Variants in GNA14 observed in about 807,000 individuals in gnomAD.
GNA14 encodes guanine nucleotide-binding protein subunit alpha-14.
A neutral mutation model predicts 42.0 loss-of-function variants in GNA14; 50 were observed. That is an observed-to-expected ratio of 1.19 (90% CI 0.95 to 1.51). The LOEUF (loss-of-function observed/expected upper bound fraction) is 1.51. Among genes scored for constraint, GNA14 ranks in the 40% most tolerant of loss-of-function variants. The pLI is 0.00. For synonymous variants in GNA14, 173 were observed against 163.1 expected (o/e 1.06, Z -0.46); for missense variants, 473 against 446.2 (o/e 1.06, Z -0.54).
intron 1 of GNA14, among the ~76,000 whole-genome samples, chr9:77,603,547 G>T (rs1001892835): frequency 7.9e-5 from 12 of 152,216 alleles, no homozygotes; most frequent in African/African-American, 2.9e-4. Flanking sequence ...TCCTGAAAGA[G>T]GAAATGGAAT....
chr9:77,465,968 C>T (rs1008215030), intron 2 of GNA14, among the ~76,000 whole-genome samples: 1 of 152,128 alleles, frequency 6.6e-6, no homozygotes. Context: ...AGTGGGAATT[C>T]TGCTATTAAT....
chr9:77,646,010 C>G (rs1824345336), intron 1 of GNA14, among the ~76,000 whole-genome samples: 1 of 152,194 alleles, frequency 6.6e-6, no homozygotes, highest in Admixed American at 6.5e-5. Flanking sequence ...TATTCCTCCT[C>G]CCTTGACAAA....
At chr9:77,603,968 A>AC (rs1823611210) in intron 1 of GNA14, among the ~76,000 whole-genome samples, 1 of 148,152 alleles carries the variant, frequency 6.7e-6, no homozygotes, top group South Asian at 2.1e-4. Flanking sequence ...AAAAAAAAAA[A>AC]AAAAAAAAAA....
intron 1 of GNA14, among the ~76,000 whole-genome samples, chr9:77,553,389 A>T (rs1837809040): frequency 6.6e-6 from 1 of 152,162 alleles, no homozygotes; most frequent in African/African-American, 2.4e-5. Context: ...TGGAAACAAG[A>T]TCAGACCTAT....
chr9:77,583,612 T>A (rs1823259654), intron 1 of GNA14, among the ~76,000 whole-genome samples: 1 of 152,228 alleles, frequency 6.6e-6, no homozygotes. Flanking sequence ...GCCTAACTCC[T>A]GTGTCTACAA....
intron 1 of GNA14, among the ~76,000 whole-genome samples, chr9:77,587,560 A>C (rs529911666): frequency 1.5e-5 from 2 of 131,750 alleles, no homozygotes; most frequent in Non-Finnish European, 2.9e-5. Context: ...CAAAAGTCAC[A>C]TAAGATTGGA....
chr9:77,484,235 C>T (rs531374255), intron 2 of GNA14, among the ~76,000 whole-genome samples: 1 of 152,226 alleles, frequency 6.6e-6, no homozygotes, highest in East Asian at 1.9e-4. Flanking sequence ...TAAAGTGAAA[C>T]ATATCCAAGA....
In GNA14 at chr9:77,433,183, T is replaced by A. The variant is rs1277757750; in HGVS notation, c.464+1185A>T. ...TCAATGCCTGCTCAGAGGGTGACAGTGGCACCCAAAGGGAAGGAGGTACGT... is the reference window on the plus strand; with the variant it reads ...TCAATGCCTGCTCAGAGGGTGACAGAGGCACCCAAAGGGAAGGAGGTACGT... On this transcript the variant is annotated intron_variant, in intron 3 of 6. Coordinates refer to ENST00000341700, the MANE Select transcript of GNA14 (RefSeq NM_004297.4). Among the ~76,000 whole-genome samples the A allele has an allele frequency of 2.0e-5, 3 of 152,080 alleles. No homozygotes were observed. In the East Asian group the frequency reaches 5.8e-4, roughly 29 times the overall value.
chr9:77,544,887 G>A (rs191690983), intron 1 of GNA14, among the ~76,000 whole-genome samples: 74 of 152,150 alleles, frequency 4.9e-4, no homozygotes, highest in Admixed American at 3.2e-3. Context: ...CACCAGGGCC[G>A]TGATAAGACT....
intron 1 of GNA14, among the ~76,000 whole-genome samples, chr9:77,645,639 A>T (rs964047467): frequency 2.0e-5 from 3 of 152,160 alleles, no homozygotes; most frequent in Non-Finnish European, 4.4e-5. Context: ...GGTCACCCTG[A>T]TTAATGTGAC....
chr9:77,644,095 G>A (rs1824311786), intron 1 of GNA14, among the ~76,000 whole-genome samples: 1 of 152,100 alleles, frequency 6.6e-6, no homozygotes, highest in African/African-American at 2.4e-5. Context: ...AACTGTATTT[G>A]AAGATAATGT....
chr9:77,516,288 T>C (rs1399995883), intron 2 of GNA14, among the ~76,000 whole-genome samples: 2 of 152,240 alleles, frequency 1.3e-5, no homozygotes, highest in African/African-American at 4.8e-5. Context: ...ACTATTGCTA[T>C]GGGTTAGGTC....
chr9:77,645,302 C>T (rs989661303), intron 1 of GNA14, among the ~76,000 whole-genome samples: 5 of 152,140 alleles, frequency 3.3e-5, no homozygotes, highest in Admixed American at 6.5e-5. Context: ...ATTTTTCACT[C>T]GAATTGCATG....
At position 77,515,943 on chromosome 9, in the gene GNA14, A is replaced by AGC. The variant is rs1446342771; in HGVS notation, c.309+13124_309+13125dup. Among the ~76,000 whole-genome samples, 3 of 125,364 alleles carry AGC rather than the reference A, an allele frequency of 2.4e-5. No homozygotes were observed. In the East Asian group the frequency reaches 8.6e-4, roughly 36 times the overall value. 82.2% of individuals were successfully genotyped at this position (125,364 alleles called of 152,430 possible). On this transcript the variant is annotated intron_variant, in intron 2 of 6. Transcript: ENST00000341700. The stretch of plus-strand genomic sequence containing the variant: ...CCACTGCACTCAACCCAGGCAACGC[A>AGC]GCAAGACCCTGTCTCACAAAAAAAA...
chr9:77,636,675 C>A (rs1157046648), intron 1 of GNA14, among the ~76,000 whole-genome samples: 1 of 152,070 alleles, frequency 6.6e-6, no homozygotes, highest in Admixed American at 6.6e-5. Context: ...AAGTGCCAGG[C>A]TCTTCTGAAC....
intron 1 of GNA14, among the ~76,000 whole-genome samples, chr9:77,598,059 C>CA (rs760796806): frequency 2.0e-5 from 3 of 152,020 alleles, no homozygotes; most frequent in Non-Finnish European, 4.4e-5. Flanking sequence ...ACAGAAAAAG[C>CA]AAAAAACTTT....
At chr9:77,562,781 T>C (rs1822903583) in intron 1 of GNA14, among the ~76,000 whole-genome samples, 1 of 152,232 alleles carries the variant, frequency 6.6e-6, no homozygotes, top group South Asian at 2.1e-4. Flanking sequence ...AATTTTGTTT[T>C]ATTTTTCAAA....
At chr9:77,544,288 C>T (rs938552812) in intron 1 of GNA14, among the ~76,000 whole-genome samples, 18 of 152,170 alleles carry the variant, frequency 1.2e-4, no homozygotes, top group African/African-American at 3.9e-4. Context: ...ACATCAATTA[C>T]TTTTCCCTAA....
intron 2 of GNA14, among the ~76,000 whole-genome samples, chr9:77,509,241 C>G (rs1042409356): frequency 1.3e-5 from 2 of 152,222 alleles, no homozygotes; most frequent in Admixed American, 6.5e-5. Context: ...ACTGAGCATA[C>G]TTTCAAAGTT....
Sources: allele counts gnomAD v4.1 joint callset (sites outside exome capture counted in the v4.1 genomes callset), GRCh38; gene constraint gnomAD v4.1.1; transcripts MANE v1.5; gene names NCBI Gene and HGNC (gene_info 2026-07-23, HGNC 2026-07-21).